Variants in UBR3 observed in about 807,000 individuals in gnomAD.
The protein encoded by UBR3 is E3 ubiquitin-protein ligase UBR3.
In UBR3, 85 loss-of-function variants were observed where a neutral mutation model predicts 243.2. The observed-to-expected ratio is 0.35, with a 90% confidence interval of 0.29 to 0.42. The LOEUF (loss-of-function observed/expected upper bound fraction) is 0.42. Ranked by LOEUF, UBR3 falls within the 10% of genes least tolerant of loss-of-function variation. UBR3 has a pLI of 1.00. For missense variants in UBR3, 1,686 were observed against 2,300.8 expected (o/e 0.73, Z 5.47); for synonymous variants, 748 against 799.8 (o/e 0.94, Z 1.09).
chr2:170,019,304 C>T (rs1435945813), intron 30 of UBR3, among the ~76,000 whole-genome samples: 2 of 152,174 alleles, frequency 1.3e-5, no homozygotes, highest in East Asian at 3.8e-4. Flanking sequence ...ATTTGCTTTT[C>T]ATAGCAAGCA....
intron 31 of UBR3, among the ~76,000 whole-genome samples, chr2:170,038,507 G>C (rs1490838855): frequency 1.3e-5 from 2 of 152,126 alleles, no homozygotes; most frequent in Non-Finnish European, 2.9e-5. Context: ...AGGCACTAAA[G>C]ATATAGAGGA....
At chr2:170,000,955 TAGAG>T (rs774050280) in intron 26 of UBR3, among the ~76,000 whole-genome samples, 7 of 152,186 alleles carry the variant, frequency 4.6e-5, no homozygotes, top group Non-Finnish European at 7.3e-5. Flanking sequence ...TCAGAAATCA[TAGAG>T]AGATTCAGTA....
In UBR3 at chr2:170,009,013, GTTTTA is replaced by G. The variant is rs1044622691; in HGVS notation, c.4367+77_4367+81del. The G allele has an allele frequency of 6.1e-5, 64 of 1,041,802 alleles. 1 individual carries two copies. In the African/African-American group the frequency reaches 7.8e-4, roughly 13 times the overall value. 64.5% of individuals were successfully genotyped at this position (1,041,802 alleles called of 1,614,324 possible). A position where few individuals can be genotyped will look rare whatever the true frequency, so the allele number is the denominator to read the frequency against. On this transcript the variant is annotated intron_variant, in intron 29 of 38. Transcript: ENST00000272793. ...TGATTTTATTATTTAATAAATATTT[GTTTTA>G]TTTATTTAAAGGATGCATATTTTTA...
intron 17 of UBR3, 71 bp downstream of exon 17, chr2:169,927,476 T>C (rs2085951110): frequency 5.1e-6 from 6 of 1,177,070 alleles, no homozygotes; most frequent in Non-Finnish European, 7.1e-6. Context: ...ATTAATAGTT[T>C]ATCAATTTTT....
intron 24 of UBR3, among the ~76,000 whole-genome samples, chr2:169,960,725 T>A (rs1287159387): frequency 6.6e-6 from 1 of 152,148 alleles, no homozygotes; most frequent in African/African-American, 2.4e-5. Flanking sequence ...CAGATACTTT[T>A]AAACTTTTAA....
chr2:169,945,144 G>GTTT (rs892143523), intron 20 of UBR3, among the ~76,000 whole-genome samples: 1 of 142,496 alleles, frequency 7.0e-6, no homozygotes, highest in South Asian at 2.2e-4. Context: ...CTTTCTTTTA[G>GTTT]TTTTTTTTTT....
chr2:169,959,904 C>G (rs2087484911), intron 24 of UBR3, among the ~76,000 whole-genome samples: 1 of 152,124 alleles, frequency 6.6e-6, no homozygotes, highest in Non-Finnish European at 1.5e-5. Context: ...TCACACTTGA[C>G]CTCTTGTGAT....
chr2:169,881,608 T>A (rs2083830787), intron 5 of UBR3, among the ~76,000 whole-genome samples: 1 of 145,818 alleles, frequency 6.9e-6, no homozygotes, highest in Non-Finnish European at 1.5e-5. Flanking sequence ...ATCTACCGTA[T>A]GTTTCTTTTT....
At chr2:169,933,647 T>C (rs1559108677) in intron 19 of UBR3, among the ~76,000 whole-genome samples, 1 of 152,212 alleles carries the variant, frequency 6.6e-6, no homozygotes, top group Non-Finnish European at 1.5e-5. Flanking sequence ...TACTTGTGCT[T>C]TCCTACAGCT....
chr2:170,010,675 G>A (rs559024428), intron 29 of UBR3, among the ~76,000 whole-genome samples: 2 of 152,100 alleles, frequency 1.3e-5, no homozygotes, highest in South Asian at 2.1e-4. Context: ...AGGTGTAAAC[G>A]GAGAAACAGA....
chr2:169,833,425 C>T (rs150953536), intron 1 of UBR3, among the ~76,000 whole-genome samples: 4 of 152,198 alleles, frequency 2.6e-5, no homozygotes, highest in Non-Finnish European at 4.4e-5. Context: ...CCACATTTTG[C>T]TATTAGCCAG....
intron 35 of UBR3, among the ~76,000 whole-genome samples, chr2:170,072,701 G>A (rs1218232999): frequency 6.6e-6 from 1 of 152,074 alleles, no homozygotes; most frequent in African/African-American, 2.4e-5. Context: ...TGTCAGGGAA[G>A]GCTTCCCTAG....
chr2:170,073,677 T>G, intron 36 of UBR3, 70 bp downstream of exon 36: 1 of 1,483,970 alleles, frequency 6.7e-7, no homozygotes, highest in Non-Finnish European at 9.0e-7. Context: ...TAATGAGGAC[T>G]GTTAAATTTT....
chr2:170,036,405 T>A lies in UBR3; in HGVS notation c.4557-4477T>A, dbSNP rs77791452. On this transcript the variant is annotated intron_variant, in intron 31 of 38. Coordinates refer to ENST00000272793, the MANE Select transcript of UBR3 (RefSeq NM_172070.4). ...ATTCATTCCAGTTATGGGCCAGTGA[T>A]GTGCTAGGAAAGATCCATTTCTCTC... 2.4e-3 allele frequency among the ~76,000 whole-genome samples: 362 copies of A among 152,234 alleles called. 2 individuals are homozygous for A. The highest frequency in any genetic ancestry group is 8.4e-3 in the African/African-American group (351 of 41,578).
chr2:169,944,351 A>G (rs1574256589), intron 20 of UBR3, among the ~76,000 whole-genome samples: 1 of 152,306 alleles, frequency 6.6e-6, no homozygotes, highest in African/African-American at 2.4e-5. Context: ...TTAATAAGTG[A>G]CAAGTAATTC....
chr2:169,998,336 A>G (rs370996934), intron 26 of UBR3, among the ~76,000 whole-genome samples: 3 of 152,242 alleles, frequency 2.0e-5, no homozygotes, highest in East Asian at 1.9e-4. Context: ...TTTCTAGAAA[A>G]AAAATCTTTT....
intron 32 of UBR3, among the ~76,000 whole-genome samples, chr2:170,041,193 A>G (rs576110214): frequency 1.3e-5 from 2 of 152,232 alleles, no homozygotes; most frequent in Non-Finnish European, 2.9e-5. Flanking sequence ...AAAGAGAAAG[A>G]GAAGTAAATA....
intron 31 of UBR3, among the ~76,000 whole-genome samples, chr2:170,033,765 G>A (rs2090747914): frequency 1.3e-5 from 2 of 151,062 alleles, no homozygotes; most frequent in South Asian, 4.2e-4. Context: ...GAGGATGTAG[G>A]TTTTTCATAT....
At chr2:169,970,235 G>GTTTT (rs531832498) in intron 24 of UBR3, among the ~76,000 whole-genome samples, 2,643 of 85,448 alleles carry the variant, frequency 0.031, 49 homozygotes, top group Non-Finnish European at 0.041. Flanking sequence ...TTGTTCCTAG[G>GTTTT]TTTTTTTTTT....
Sources: allele counts gnomAD v4.1 joint callset (sites outside exome capture counted in the v4.1 genomes callset), GRCh38; gene constraint gnomAD v4.1.1; transcripts MANE v1.5; gene names NCBI Gene and HGNC (gene_info 2026-07-23, HGNC 2026-07-21).